The following ITGA8 variants were observed in gnomAD, a reference collection of about 807,000 sequenced individuals.
ITGA8 encodes integrin subunit alpha 8, also known as integrin alpha-8.
A neutral mutation model predicts 142.3 loss-of-function variants in ITGA8; 91 were observed. That is an observed-to-expected ratio of 0.64 (90% confidence interval 0.54 to 0.76). The LOEUF is 0.76. ITGA8 is among the 30% of genes least tolerant of loss of function. The pLI is 0.00. For synonymous variants in ITGA8, 505 were observed against 485.2 expected (o/e 1.04, Z -0.54); for missense variants, 1,406 against 1,327.7 (o/e 1.06, Z -0.92).
intron 20 of ITGA8, among the ~76,000 whole-genome samples, chr10:15,602,311 T>C (rs975692314): frequency 3.9e-5 from 6 of 152,232 alleles, no homozygotes; most frequent in African/African-American, 9.6e-5. Flanking sequence ...GATTTTATTA[T>C]GAAATGACAT....
At position 15,607,742 on chromosome 10, in the gene ITGA8, C is replaced by T. The variant is rs751705679; in HGVS notation, c.1699G>A (p.Val567Ile). ...TGCCTTTTTATCACAAGAGGGAAGACGCGATGAGCCTGATGGTTATCAAGG... is the reference window on the plus strand; with the variant it reads ...TGCCTTTTTATCACAAGAGGGAAGATGCGATGAGCCTGATGGTTATCAAGG... Reference protein sequence around the residue: ...LFLDNHQAHRVFPLVIKRQKS... With the variant: ...LFLDNHQAHRIFPLVIKRQKS... Residue 567 changes from valine to isoleucine, a missense_variant, in exon 17 of 30, where the codon GTC becomes ATC. Physicochemically the swap from Val to Ile is conservative, Grantham distance 29. Coordinates refer to ENST00000378076, the MANE Select transcript of ITGA8 (RefSeq NM_003638.3). The T allele has an allele frequency of 8.1e-6, 13 of 1,613,558 alleles. No individual in the cohort carries two copies. Among genetic ancestry groups the T allele is most frequent in the East Asian group, 2.2e-5 (1 of 44,894 alleles).
chr10:15,563,384 C>T (rs1834017987), intron 25 of ITGA8, among the ~76,000 whole-genome samples: 1 of 152,130 alleles, frequency 6.6e-6, no homozygotes, highest in African/African-American at 2.4e-5. Flanking sequence ...CTAAAATTCT[C>T]TCATATGTTT....
chr10:15,701,079 G>A (rs1299290324), intron 2 of ITGA8, among the ~76,000 whole-genome samples: 1 of 152,106 alleles, frequency 6.6e-6, no homozygotes, highest in East Asian at 1.9e-4. Flanking sequence ...GAATAACCAA[G>A]TTCCCATCTA....
intron 3 of ITGA8, 28 bp from the exon 4 acceptor site, chr10:15,684,155 C>T (rs755699227): frequency 1.3e-6 from 2 of 1,594,948 alleles, no homozygotes; most frequent in South Asian, 2.3e-5. Context: ...CAAAAAAATA[C>T]ATTTTTGATG....
intron 18 of ITGA8, 32 bp downstream of exon 18, chr10:15,606,253 G>T: frequency 6.4e-7 from 1 of 1,569,678 alleles, no homozygotes; most frequent in Non-Finnish European, 8.7e-7. Context: ...GCTTGCTTGA[G>T]AAAATGCCGT....
At chr10:15,527,018 G>A (rs909350580) in intron 28 of ITGA8, among the ~76,000 whole-genome samples, 2 of 152,152 alleles carry the variant, frequency 1.3e-5, no homozygotes, top group Non-Finnish European at 2.9e-5. Context: ...GGTAATTAAT[G>A]TTGACGTCTC....
chr10:15,652,447 A>T (rs1299894456), intron 11 of ITGA8, among the ~76,000 whole-genome samples: 4 of 145,482 alleles, frequency 2.7e-5, no homozygotes, highest in Admixed American at 6.8e-5. Context: ...CCACAGTGGG[A>T]TTTTTTTTTT....
intron 19 of ITGA8, among the ~76,000 whole-genome samples, chr10:15,605,057 A>G (rs892745656): frequency 4.6e-5 from 7 of 152,134 alleles, no homozygotes; most frequent in East Asian, 1.9e-4. Flanking sequence ...GAAGTTACCA[A>G]GCAGATTCCA....
intron 27 of ITGA8, among the ~76,000 whole-genome samples, chr10:15,538,742 ATTTAG>A (rs1833506747): frequency 6.6e-6 from 1 of 152,104 alleles, no homozygotes; most frequent in South Asian, 2.1e-4. Context: ...AGTGCTTTTA[ATTTAG>A]TTTAGTGCTA....
intron 2 of ITGA8, among the ~76,000 whole-genome samples, chr10:15,713,560 G>A (rs1835398308): frequency 6.6e-6 from 1 of 151,962 alleles, no homozygotes; most frequent in African/African-American, 2.4e-5. Flanking sequence ...CTTTGTTCCT[G>A]AACAAAAACT....
At chr10:15,678,815 C>T (rs762298610) in intron 4 of ITGA8, 32 bp from the exon 5 acceptor site, 31 of 1,381,166 alleles carry the variant, frequency 2.2e-5, no homozygotes, top group South Asian at 3.7e-5. Context: ...AATGTTATAA[C>T]GTTATCATTC....
chr10:15,639,640 AAC>A (rs1466869600), intron 13 of ITGA8, among the ~76,000 whole-genome samples: 6 of 152,190 alleles, frequency 3.9e-5, no homozygotes, highest in Non-Finnish European at 7.3e-5. Flanking sequence ...GCAATTGATA[AAC>A]ACACCCAGGT....
At chr10:15,711,181 G>A (rs560368394) in intron 2 of ITGA8, among the ~76,000 whole-genome samples, 2 of 152,276 alleles carry the variant, frequency 1.3e-5, no homozygotes, top group South Asian at 4.1e-4. Flanking sequence ...CTTATGCAAC[G>A]TGTTTGCATT....
intron 2 of ITGA8, among the ~76,000 whole-genome samples, chr10:15,718,125 A>G (rs1835487506): frequency 6.6e-6 from 1 of 152,238 alleles, no homozygotes; most frequent in African/African-American, 2.4e-5. Context: ...TAAAGAGAAA[A>G]CACCAGAGGA....
Position 15,592,273 on chromosome 10 carries a change from C to T in ITGA8, c.2243G>A (p.Arg748His), listed in dbSNP as rs9333174. 7.5e-4 allele frequency: 1,212 copies of T among 1,613,730 alleles called. 11 individuals carry two copies. The African/African-American group carries it at 0.014, about 19-fold the overall frequency. ...YSLGLRFAVP[R>H]LEKTNMSINF... ...AATGCTCATGTTTGTTTTCTCAAGA[C>T]GTGGAACTGCAAATCGGAGGCCCAG... Residue 748 changes from arginine (R) to histidine (H), a missense_variant, in exon 22 of 30, where the codon CGT (arginine) becomes CAT (histidine). Coordinates refer to ENST00000378076, the MANE Select transcript of ITGA8 (RefSeq NM_003638.3).
At chr10:15,614,844 G>A (rs915884782) in intron 14 of ITGA8, among the ~76,000 whole-genome samples, 1 of 152,100 alleles carries the variant, frequency 6.6e-6, no homozygotes, top group African/African-American at 2.4e-5. Context: ...TTTCAATACC[G>A]TGTTAGTTCC....
intron 2 of ITGA8, among the ~76,000 whole-genome samples, chr10:15,696,521 T>C (rs117712740): frequency 0.029 from 4,344 of 152,172 alleles, 77 homozygotes; most frequent in Non-Finnish European, 0.044. Context: ...AACCTGAGCC[T>C]CAAATTAAAG....
At chr10:15,660,508 C>T (rs891340868) in intron 9 of ITGA8, among the ~76,000 whole-genome samples, 8 of 152,212 alleles carry the variant, frequency 5.3e-5, no homozygotes, top group Non-Finnish European at 8.8e-5. Flanking sequence ...TTTGCGTATA[C>T]AGATGGTCCT....
chr10:15,601,391 A>G (rs1004102533), intron 20 of ITGA8, among the ~76,000 whole-genome samples: 10 of 152,270 alleles, frequency 6.6e-5, no homozygotes, highest in African/African-American at 2.2e-4. Flanking sequence ...GACAGAAAGT[A>G]GAATGGTGCT....
Sources: allele counts gnomAD v4.1 joint callset (sites outside exome capture counted in the v4.1 genomes callset), GRCh38; gene constraint gnomAD v4.1.1; transcripts MANE v1.5; gene names NCBI Gene and HGNC (gene_info 2026-07-23, HGNC 2026-07-21).